Variants in DOK6 observed in about 807,000 individuals in gnomAD.
The protein encoded by DOK6 is downstream of tyrosine kinase 6.
A neutral mutation model predicts 44.0 loss-of-function variants in DOK6; 22 were observed. The ratio of observed to expected loss-of-function variants is 0.50; its 90% CI spans 0.36 to 0.71. DOK6 has a LOEUF of 0.71. DOK6 is among the 30% of genes least tolerant of loss of function. DOK6 has a pLI of 0.00. For synonymous variants in DOK6, 166 were observed against 145.5 expected (o/e 1.14, Z -1.01); for missense variants, 340 against 416.4 (o/e 0.82, Z 1.60).
rs1021244791 is a variant in DOK6, at chr18:69,405,262, G to A, written c.66+3952G>A. Among the ~76,000 whole-genome samples the A allele has an allele frequency of 8.6e-5, 13 of 152,038 alleles. 1 individual carries two copies. Among genetic ancestry groups the A allele is most frequent in the Middle Eastern group, 6.8e-3 (2 of 294 alleles). On this transcript the variant is annotated intron_variant, in intron 1 of 7. Transcript: ENST00000382713. ...CTTTCCTCTCTCAACAGCTTTCCTC[G>A]GAGTATTTGTTCATGAGAGATATTT...
intron 6 of DOK6, among the ~76,000 whole-genome samples, chr18:69,741,504 CTGT>C (rs1978797369): frequency 6.6e-6 from 1 of 152,046 alleles, no homozygotes; most frequent in African/African-American, 2.4e-5. Context: ...TTCTTTGTTG[CTGT>C]TGTTTTTTGA....
intron 7 of DOK6, among the ~76,000 whole-genome samples, chr18:69,783,310 G>A (rs563708280): frequency 1.3e-5 from 2 of 152,202 alleles, no homozygotes; most frequent in Non-Finnish European, 2.9e-5. Context: ...TACTATAAGA[G>A]AGATACACAC....
chr18:69,593,688 T>C (rs1983673581), intron 2 of DOK6, among the ~76,000 whole-genome samples: 1 of 152,196 alleles, frequency 6.6e-6, no homozygotes, highest in Non-Finnish European at 1.5e-5. Flanking sequence ...GGCTATCCAT[T>C]AGCTTATTTT....
chr18:69,655,111 CCTT>C lies in DOK6; in HGVS notation c.290-22620_290-22618del, dbSNP rs375159851. Among the ~76,000 whole-genome samples the C allele has an allele frequency of 1.8e-4, 28 of 152,188 alleles. No homozygotes were observed. The East Asian group carries it at 5.4e-3, about 29-fold the overall frequency. On this transcript the variant is annotated intron_variant, in intron 3 of 7. Coordinates refer to ENST00000382713, the MANE Select transcript of DOK6 (RefSeq NM_152721.6). The stretch of plus-strand genomic sequence containing the variant: ...ATGAGTTTTCTACAGAAGAGAAAAA[CCTT>C]CTGAAGATGAGCTTACTTTAATAAA...
At chr18:69,417,205 T>C (rs1417928015) in intron 1 of DOK6, among the ~76,000 whole-genome samples, 1 of 152,096 alleles carries the variant, frequency 6.6e-6, no homozygotes, top group Admixed American at 6.6e-5. Context: ...TTTGTGCCCA[T>C]TAACCAACCT....
chr18:69,528,058 G>A (rs1241801052), intron 1 of DOK6, among the ~76,000 whole-genome samples: 1 of 151,466 alleles, frequency 6.6e-6, no homozygotes, highest in Non-Finnish European at 1.5e-5. Flanking sequence ...AGCTACTCAG[G>A]AGGCTGAGGC....
At chr18:69,576,006 C>T (rs1599201222) in intron 2 of DOK6, among the ~76,000 whole-genome samples, 1 of 152,108 alleles carries the variant, frequency 6.6e-6, no homozygotes, top group African/African-American at 2.4e-5. Flanking sequence ...CTTACAAAAT[C>T]ATGGACTAAA....
chr18:69,846,938 A>G lies in DOK6; in HGVS notation c.*5555A>G, dbSNP rs986158495. 10 of 152,142 alleles carry G rather than the reference A, an allele frequency of 6.6e-5. No individual in the cohort carries two copies. Among genetic ancestry groups the G allele is most frequent in the African/African-American group, 2.4e-4 (10 of 41,404 alleles). The allele number at this position is 152,142 out of a possible 1,614,324, so 9.4% of individuals were successfully genotyped here. A position where few individuals can be genotyped will look rare whatever the true frequency, so the allele number is the denominator to read the frequency against. Reference sequence around the variant, plus strand: ...TAATCTTCAGTAGACAATGATTTAAATTAACTGAAGTTTAAATAAGAAATA... The same window carrying G: ...TAATCTTCAGTAGACAATGATTTAAGTTAACTGAAGTTTAAATAAGAAATA... On this transcript the variant is annotated 3_prime_UTR_variant, in exon 8 of 8. Coordinates refer to ENST00000382713, the MANE Select transcript of DOK6 (RefSeq NM_152721.6).
intron 1 of DOK6, among the ~76,000 whole-genome samples, chr18:69,446,151 C>T (rs1979282828): frequency 6.6e-6 from 1 of 151,642 alleles, no homozygotes; most frequent in Non-Finnish European, 1.5e-5. Flanking sequence ...TGGTGTGCTG[C>T]ACTCATTAAC....
intron 6 of DOK6, among the ~76,000 whole-genome samples, chr18:69,752,237 C>T (rs930621079): frequency 6.6e-6 from 1 of 151,864 alleles, no homozygotes; most frequent in Non-Finnish European, 1.5e-5. Flanking sequence ...TATGAAAGGA[C>T]TTATAAAAAT....
intron 2 of DOK6, among the ~76,000 whole-genome samples, chr18:69,565,362 A>G (rs549372534): frequency 6.6e-6 from 1 of 152,168 alleles, no homozygotes; most frequent in East Asian, 1.9e-4. Context: ...TTCTTTTTTA[A>G]AAATAGATTA....
chr18:69,541,437 A>T (rs1029175792), intron 1 of DOK6, among the ~76,000 whole-genome samples: 2 of 151,556 alleles, frequency 1.3e-5, no homozygotes, highest in Non-Finnish European at 3.0e-5. Flanking sequence ...GTGCATTATT[A>T]TATATTTTAA....
chr18:69,800,560 G>T (rs890228825), intron 7 of DOK6, among the ~76,000 whole-genome samples: 3 of 152,032 alleles, frequency 2.0e-5, no homozygotes, highest in African/African-American at 7.2e-5. Flanking sequence ...GGGGGAAAAG[G>T]GTTCATGTGA....
chr18:69,774,128 TATGAGATATATATATATATATATATATA>T lies in DOK6; in HGVS notation c.856+16259_856+16286del, dbSNP rs1377148215. Among the ~76,000 whole-genome samples, 31 of 53,080 alleles carry T rather than the reference TATGAGATATATATATATATATATATATA, an allele frequency of 5.8e-4. 1 individual carries two copies. The highest frequency in any genetic ancestry group is 4.2e-3 in the Admixed American group (15 of 3,594). The allele number at this position is 53,080 out of a possible 152,430, so 34.8% of individuals were successfully genotyped here. A position where few individuals can be genotyped will look rare whatever the true frequency, so the allele number is the denominator to read the frequency against. ...TGAGATAGATTTATATAGATATATATATGAGATATATATATATATATATATATAATGTAATACTACTCAGTCATAAAAA... is the reference window on the plus strand; with the variant it reads ...TGAGATAGATTTATATAGATATATATATGTAATACTACTCAGTCATAAAAA... On this transcript the variant is annotated intron_variant, in intron 7 of 7. Transcript: ENST00000382713.
At chr18:69,553,728 C>G (rs576811941) in intron 1 of DOK6, among the ~76,000 whole-genome samples, 1 of 152,316 alleles carries the variant, frequency 6.6e-6, no homozygotes, top group South Asian at 2.1e-4. Context: ...CTTACATACT[C>G]ACTCCAGACT....
Position 69,698,666 on chromosome 18 carries a change from AGAGTGCTGTCCATCATTGCCCCCAGT to A in DOK6, c.599+77_599+102del, listed in dbSNP as rs1017667930. Reference sequence around the variant, plus strand: ...AGTCTGTATAACAGAGTCCTGAAAGAGAGTGCTGTCCATCATTGCCCCCAGTGAGCACTGTTTTCATTCAGGGTAAA... The same window carrying A: ...AGTCTGTATAACAGAGTCCTGAAAGAGAGCACTGTTTTCATTCAGGGTAAA... On this transcript the variant is annotated intron_variant, in intron 5 of 7. Coordinates refer to ENST00000382713, the MANE Select transcript of DOK6 (RefSeq NM_152721.6). 2.1e-6 allele frequency: 3 copies of A among 1,460,788 alleles called. No individual in the cohort carries two copies. In the African/African-American group the frequency reaches 4.2e-5, roughly 21 times the overall value. The allele number at this position is 1,460,788 out of a possible 1,614,324, so 90.5% of individuals were successfully genotyped here. A position where few individuals can be genotyped will look rare whatever the true frequency, so the allele number is the denominator to read the frequency against.
At chr18:69,537,992 G>A (rs34858754) in intron 1 of DOK6, among the ~76,000 whole-genome samples, 2,120 of 152,190 alleles carry the variant, frequency 0.014, 49 homozygotes, top group African/African-American at 0.048. Context: ...TTGTATCCAA[G>A]CAGAGATTTA....
chr18:69,675,402 A>G (rs1206252893), intron 3 of DOK6, among the ~76,000 whole-genome samples: 1 of 152,242 alleles, frequency 6.6e-6, no homozygotes, highest in African/African-American at 2.4e-5. Flanking sequence ...CAAATAGCAC[A>G]TTAGATATTT....
chr18:69,800,964 A>G (rs1316123995), intron 7 of DOK6, among the ~76,000 whole-genome samples: 2 of 152,182 alleles, frequency 1.3e-5, no homozygotes, highest in African/African-American at 2.4e-5. Flanking sequence ...AAATTTGGAG[A>G]AAGAAAAGAG....
Sources: allele counts gnomAD v4.1 joint callset (sites outside exome capture counted in the v4.1 genomes callset), GRCh38; gene constraint gnomAD v4.1.1; transcripts MANE v1.5; gene names NCBI Gene and HGNC (gene_info 2026-07-23, HGNC 2026-07-21).